The following ZNF280D variants were observed in gnomAD, a reference collection of about 807,000 sequenced individuals.
ZNF280D encodes zinc finger protein 280D, also known as suppressor of hairy wing homolog 4.
Under a neutral mutation model 94.7 loss-of-function variants are expected in ZNF280D, and 39 were observed. The observed-to-expected ratio is 0.41, with a 90% CI of 0.32 to 0.54. The LOEUF is 0.54. ZNF280D is among the 20% of genes least tolerant of loss of function. ZNF280D has a pLI of 0.22. For missense variants in ZNF280D, 1,090 were observed against 1,149.3 expected, an observed-to-expected ratio of 0.95 and a Z score of 0.75; for synonymous variants, 398 against 377.6, an observed-to-expected ratio of 1.05 and a Z score of -0.63.
rs771680091 is a variant in ZNF280D at position 56,693,194 on chromosome 15, GTGA to G, written c.400_402del (p.Ser134del). On this transcript the variant is annotated inframe_deletion, in exon 7 of 22. Coordinates refer to ENST00000267807, the MANE Select transcript of ZNF280D (RefSeq NM_017661.4). ...TCTGATGACTTATTAGACACAACTC[GTGA>G]TGAGTTTGTTATATAACCCTGTTAA... is the stretch of plus-strand genomic sequence containing the variant. The G allele has an allele frequency of 6.3e-7, 1 of 1,589,256 alleles. No individual in the cohort carries two copies. The highest frequency in any genetic ancestry group is 8.6e-7 in the Non-Finnish European group (1 of 1,168,634).
chr15:56,700,640 T>C (rs912625373), intron 6 of ZNF280D: 3 of 1,311,778 alleles, frequency 2.3e-6, no homozygotes, highest in Non-Finnish European at 1.9e-6. Context: ...TTTGTCATTA[T>C]GCAATATTTA....
intron 12 of ZNF280D, 121 bp from the exon 13 acceptor site, chr15:56,676,937 C>A: frequency 2.9e-6 from 2 of 687,376 alleles, no homozygotes; most frequent in Non-Finnish European, 2.4e-6. Flanking sequence ...AGCTCTGATG[C>A]CTTTGCAACC....
chr15:56,721,151 C>T (rs1407903365), intron 1 of ZNF280D, among the ~76,000 whole-genome samples: 1 of 151,936 alleles, frequency 6.6e-6, no homozygotes, highest in Non-Finnish European at 1.5e-5. Context: ...TTAGTAGAGA[C>T]GGGGGTTTCA....
intron 1 of ZNF280D, among the ~76,000 whole-genome samples, chr15:56,726,311 TC>T (rs1163477181): frequency 2.0e-5 from 3 of 152,082 alleles, no homozygotes; most frequent in Non-Finnish European, 4.4e-5. Context: ...ACCATTAAAG[TC>T]CAGTATACTA....
At chr15:56,716,506 GAA>G (rs529405989) in intron 1 of ZNF280D, among the ~76,000 whole-genome samples, 25 of 88,118 alleles carry the variant, frequency 2.8e-4, no homozygotes, top group African/African-American at 7.7e-4. Context: ...CATTGTGACT[GAA>G]AAAAAAAAAA....
intron 4 of ZNF280D, among the ~76,000 whole-genome samples, chr15:56,701,958 A>C (rs1350801249): frequency 6.6e-6 from 1 of 151,382 alleles, no homozygotes; most frequent in Non-Finnish European, 1.5e-5. Context: ...CTAGCTTATC[A>C]AATTATAGTT....
chr15:56,642,521 G>C (rs1338719525), intron 20 of ZNF280D, among the ~76,000 whole-genome samples: 2 of 151,682 alleles, frequency 1.3e-5, no homozygotes, highest in African/African-American at 4.8e-5. Flanking sequence ...CAGAGTACTT[G>C]TTTAAAACAT....
Position 56,720,962 on chromosome 15 carries a change from AT to A in ZNF280D, c.-86+12495del, listed in dbSNP as rs199853985. On this transcript the variant is annotated intron_variant, in intron 1 of 21. Transcript: ENST00000267807. ...AAAGCATAGGCAGAGTAGATTTAGC[AT>A]TTTTTTTGGGGGGGGGGGGGACAGA... 3.4e-4 allele frequency among the ~76,000 whole-genome samples: 9 copies of A among 26,246 alleles called. 1 individual carries two copies. The highest frequency in any genetic ancestry group is 3.0e-3 in the South Asian group (1 of 328). 17.2% of individuals were successfully genotyped at this position (26,246 alleles called of 152,430 possible). A position where few individuals can be genotyped will look rare whatever the true frequency, so the allele number is the denominator to read the frequency against.
rs71113013 is a variant in ZNF280D at position 56,665,703 on chromosome 15, C to CAAAAA, written c.1994+687_1994+691dup. 1.5e-4 allele frequency among the ~76,000 whole-genome samples: 13 copies of CAAAAA among 86,436 alleles called. 1 individual carries two copies. Among genetic ancestry groups the CAAAAA allele is most frequent in the South Asian group, 4.4e-4 (1 of 2,292 alleles). 56.7% of individuals were successfully genotyped at this position (86,436 alleles called of 152,430 possible). On this transcript the variant is annotated intron_variant, in intron 16 of 21. Coordinates refer to ENST00000267807, the MANE Select transcript of ZNF280D (RefSeq NM_017661.4). Reference sequence around the variant, plus strand: ...TGGGCGACACAGCGAGACTCCGTCTCAAAAAAAAAAAAAAAAAAGGAGGAT... The same window carrying CAAAAA: ...TGGGCGACACAGCGAGACTCCGTCTCAAAAAAAAAAAAAAAAAAAAAAAGGAGGAT...
intron 1 of ZNF280D, among the ~76,000 whole-genome samples, chr15:56,715,105 G>A (rs2057971291): frequency 1.3e-5 from 2 of 151,986 alleles, no homozygotes. Context: ...TCAATTTCTG[G>A]AAAGATAAGA....
At chr15:56,656,967 T>A (rs1042168240) in intron 17 of ZNF280D, among the ~76,000 whole-genome samples, 1 of 152,080 alleles carries the variant, frequency 6.6e-6, no homozygotes, top group Non-Finnish European at 1.5e-5. Context: ...ATACAATATC[T>A]GGGGGAAAGC....
intron 10 of ZNF280D, among the ~76,000 whole-genome samples, chr15:56,680,109 G>A (rs1351364075): frequency 1.3e-5 from 2 of 152,168 alleles, no homozygotes; most frequent in African/African-American, 4.8e-5. Context: ...TTGCAAGGAT[G>A]TTCACAGAAC....
intron 7 of ZNF280D, 135 bp from the exon 8 acceptor site, chr15:56,689,605 G>C: frequency 3.7e-6 from 2 of 543,810 alleles, no homozygotes; most frequent in Non-Finnish European, 5.8e-6. Context: ...GATAAAACTT[G>C]ATATGATCCA....
intron 17 of ZNF280D, among the ~76,000 whole-genome samples, chr15:56,657,193 G>A (rs943138478): frequency 8.5e-5 from 13 of 152,054 alleles, no homozygotes; most frequent in African/African-American, 1.9e-4. Context: ...AAACAATAGC[G>A]CTCAGTGGAT....
intron 19 of ZNF280D, among the ~76,000 whole-genome samples, chr15:56,651,770 ATTG>A (rs2140654600): frequency 6.6e-6 from 1 of 152,120 alleles, no homozygotes; most frequent in African/African-American, 2.4e-5. Context: ...TTATTGTTAT[ATTG>A]TTATTTGTTA....
chr15:56,704,129 G>A lies in ZNF280D; in HGVS notation c.167C>T (p.Ala56Val). The A allele has an allele frequency of 1.2e-6, 2 of 1,613,328 alleles. No homozygotes were observed. Among genetic ancestry groups the A allele is most frequent in the Non-Finnish European group, 1.7e-6 (2 of 1,179,804 alleles). Residue 56 changes from alanine to valine, a missense_variant, in exon 4 of 22, where the codon GCA becomes GTA. Ala to Val is a moderately conservative substitution (Grantham distance 64). This residue lies in a region of ZNF280D where 386 missense variants were observed against 372.0 expected (regional missense o/e 1.04). Coordinates refer to ENST00000267807, the MANE Select transcript of ZNF280D (RefSeq NM_017661.4). ...FVGEISSSKP[A>V]ISNILNRVNP... ...TAAAAGTAAATGCTTACTTGAAATT[G>A]CTGGTTTTGAACTTGATATCTCGCC...
At chr15:56,710,604 T>A (rs972160013) in intron 1 of ZNF280D, among the ~76,000 whole-genome samples, 2 of 152,172 alleles carry the variant, frequency 1.3e-5, no homozygotes, top group Non-Finnish European at 2.9e-5. Context: ...AATTCCTATT[T>A]TATAAATTTT....
chr15:56,679,319 T>C (rs2055461838), intron 10 of ZNF280D, among the ~76,000 whole-genome samples: 1 of 152,184 alleles, frequency 6.6e-6, no homozygotes. Flanking sequence ...TACAATAGAT[T>C]CCAGCTACTT....
intron 6 of ZNF280D, chr15:56,699,363 T>C (rs1167275204): frequency 1.3e-5 from 12 of 941,570 alleles, no homozygotes; most frequent in Non-Finnish European, 1.5e-5. Context: ...CACTAAATTC[T>C]TTAATAACTA....
Sources: gnomAD v4.1 joint callset for allele counts (sites outside exome capture counted in the v4.1 genomes callset) on GRCh38, gnomAD v4.1.1 for gene constraint, gnomAD v4.1.1 regional missense constraint, MANE v1.5 for transcripts, NCBI Gene and HGNC (gene_info 2026-07-23, HGNC 2026-07-21) for gene names.